The following IL1RAPL2 variants were observed in gnomAD, a reference collection of about 807,000 sequenced individuals.
IL1RAPL2 encodes X-linked interleukin-1 receptor accessory protein-like 2.
Under a neutral mutation model 44.1 loss-of-function variants are expected in IL1RAPL2, and 3 were observed. The ratio of observed to expected loss-of-function variants is 0.07; its 90% CI spans 0.03 to 0.18. IL1RAPL2 has a LOEUF of 0.18. Ranked by LOEUF, IL1RAPL2 falls within the 10% of genes least tolerant of loss-of-function variation. The pLI is 1.00. For synonymous variants in IL1RAPL2, 181 were observed against 178.8 expected, an observed-to-expected ratio of 1.01 and a Z score of -0.10; for missense variants, 391 against 496.4, an observed-to-expected ratio of 0.79 and a Z score of 2.02.
chrX:105,303,824 T>C (rs1396124172), intron 5 of IL1RAPL2, among the ~76,000 whole-genome samples: 8 of 112,302 alleles, frequency 7.1e-5, no homozygotes, highest in Non-Finnish European at 1.5e-4. Context: ...TCCTATAGGT[T>C]AGGGAAGGTC....
chrX:104,619,736 C>A (rs1230753032), intron 1 of IL1RAPL2, among the ~76,000 whole-genome samples: 1 of 111,618 alleles, frequency 9.0e-6, no homozygotes, highest in Non-Finnish European at 1.9e-5. Flanking sequence ...ATCTATAGAC[C>A]AACATTTATG....
At chrX:105,223,078 A>G (rs1274117666) in intron 3 of IL1RAPL2, among the ~76,000 whole-genome samples, 1 of 108,847 alleles carries the variant, frequency 9.2e-6, no homozygotes, top group Non-Finnish European at 1.9e-5. Flanking sequence ...TGTACCTGGG[A>G]GGCAGAGGTT....
intron 1 of IL1RAPL2, among the ~76,000 whole-genome samples, chrX:104,599,846 C>T (rs938091368): frequency 9.0e-6 from 1 of 111,162 alleles, no homozygotes; most frequent in African/African-American, 3.3e-5. Context: ...CCATTCATCC[C>T]TTTGTGAGAT....
intron 2 of IL1RAPL2, among the ~76,000 whole-genome samples, chrX:104,802,542 G>C (rs1932892521): frequency 9.1e-6 from 1 of 110,030 alleles, no homozygotes; most frequent in South Asian, 3.9e-4. Flanking sequence ...GTTTTCATTG[G>C]TGTGACGGCC....
intron 7 of IL1RAPL2, among the ~76,000 whole-genome samples, chrX:105,732,654 G>A (rs1298335365): frequency 9.0e-6 from 1 of 111,340 alleles, no homozygotes; most frequent in Non-Finnish European, 1.9e-5. Flanking sequence ...AACAATGTGA[G>A]AATGAACTCA....
rs1457356263 is a variant in IL1RAPL2 at position 104,635,738 on chromosome X, G to C, written c.-19-23157G>C. Reference sequence around the variant, plus strand: ...TCTGCATTGGTTATTCTAGTTAGCTGTTCATCTAAGTTTTTTTCAAGGTTT... The same window carrying C: ...TCTGCATTGGTTATTCTAGTTAGCTCTTCATCTAAGTTTTTTTCAAGGTTT... On this transcript the variant is annotated intron_variant, in intron 1 of 10. Coordinates refer to ENST00000372582, the MANE Select transcript of IL1RAPL2 (RefSeq NM_017416.2). Among the ~76,000 whole-genome samples the C allele has an allele frequency of 3.6e-5, 4 of 111,231 alleles. No individual in the cohort carries two copies. In the South Asian group the frequency reaches 1.1e-3, roughly 32 times the overall value.
intron 2 of IL1RAPL2, among the ~76,000 whole-genome samples, chrX:105,139,052 T>C (rs1324328344): frequency 5.4e-5 from 6 of 111,733 alleles, no homozygotes; most frequent in African/African-American, 2.0e-4. Flanking sequence ...CTTGGGGTGC[T>C]AAAAAGAACG....
At position 104,930,709 on chromosome X, in the gene IL1RAPL2, G is replaced by A. The variant is rs139674701; in HGVS notation, c.83-264766G>A. Among the ~76,000 whole-genome samples, 175 of 111,640 alleles carry A rather than the reference G, an allele frequency of 1.6e-3. No individual in the cohort carries two copies. In the East Asian group the frequency reaches 0.037, roughly 24 times the overall value. On this transcript the variant is annotated intron_variant, in intron 2 of 10. Transcript: ENST00000372582. ...ATTATACTGTCTTCTTATAATGATA[G>A]ATAACATTTATTGAGAACTTACGAT...
chrX:104,633,678 G>A (rs1433597925), intron 1 of IL1RAPL2, among the ~76,000 whole-genome samples: 30 of 111,160 alleles, frequency 2.7e-4, no homozygotes, highest in Admixed American at 3.8e-4. Context: ...CTGTGGGATC[G>A]GTGGTGATAT....
intron 6 of IL1RAPL2, among the ~76,000 whole-genome samples, chrX:105,680,750 T>C (rs893740865): frequency 2.7e-5 from 3 of 112,244 alleles, no homozygotes; most frequent in East Asian, 5.6e-4. Flanking sequence ...AAGTTGTAGA[T>C]AGTGTAAAAG....
intron 2 of IL1RAPL2, among the ~76,000 whole-genome samples, chrX:104,888,236 CAG>C (rs201487810): frequency 0.38 from 33,268 of 87,617 alleles, 4,935 homozygotes; most frequent in East Asian, 0.45. Context: ...GACAGAAAGT[CAG>C]AGAGAGAGAG....
At chrX:105,479,511 G>C (rs938370515) in intron 5 of IL1RAPL2, among the ~76,000 whole-genome samples, 73 of 110,237 alleles carry the variant, frequency 6.6e-4, no homozygotes, top group African/African-American at 2.3e-3. Context: ...AGGCCGAGGC[G>C]GGTGGATTAC....
intron 2 of IL1RAPL2, among the ~76,000 whole-genome samples, chrX:104,998,352 G>A (rs2147735054): frequency 9.0e-6 from 1 of 111,494 alleles, no homozygotes; most frequent in South Asian, 3.8e-4. Context: ...GGATGTGAGT[G>A]AGGAAGTGGA....
chrX:104,957,584 A>G (rs1261359875), intron 2 of IL1RAPL2, among the ~76,000 whole-genome samples: 2 of 112,275 alleles, frequency 1.8e-5, no homozygotes, highest in Non-Finnish European at 3.8e-5. Context: ...TGGGATTTTG[A>G]CTATCAGAAA....
At chrX:104,775,450 G>A (rs1012414405) in intron 2 of IL1RAPL2, among the ~76,000 whole-genome samples, 2 of 111,756 alleles carry the variant, frequency 1.8e-5, no homozygotes, top group African/African-American at 3.3e-5. Context: ...TTGAAAAATC[G>A]GCCATTTAAA....
intron 5 of IL1RAPL2, among the ~76,000 whole-genome samples, chrX:105,462,675 T>A (rs2036100905): frequency 9.0e-6 from 1 of 111,548 alleles, no homozygotes; most frequent in African/African-American, 3.3e-5. Flanking sequence ...TCTATGAATT[T>A]ATTTTCTACC....
chrX:104,903,116 G>A (rs1437394143), intron 2 of IL1RAPL2, among the ~76,000 whole-genome samples: 1 of 111,588 alleles, frequency 9.0e-6, no homozygotes, highest in East Asian at 2.8e-4. Flanking sequence ...CAATACAATA[G>A]CCAAAACCTT....
intron 2 of IL1RAPL2, among the ~76,000 whole-genome samples, chrX:104,661,184 T>C (rs781227876): frequency 9.0e-6 from 1 of 111,375 alleles, no homozygotes; most frequent in Non-Finnish European, 1.9e-5. Flanking sequence ...TCACTTACAG[T>C]CAAAGTGTTA....
intron 5 of IL1RAPL2, among the ~76,000 whole-genome samples, chrX:105,482,894 AC>A (rs776951673): frequency 7.5e-4 from 83 of 110,672 alleles, no homozygotes; most frequent in African/African-American, 2.6e-3. Flanking sequence ...AGACATAAAT[AC>A]AGAATCAGTT....
Sources: gnomAD v4.1 joint callset for allele counts (sites outside exome capture counted in the v4.1 genomes callset) on GRCh38, gnomAD v4.1.1 for gene constraint, MANE v1.5 for transcripts, NCBI Gene and HGNC (gene_info 2026-07-23, HGNC 2026-07-21) for gene names.